The following TIAL1 variants were observed in gnomAD, a reference collection of about 807,000 sequenced individuals.
TIAL1 encodes the protein nucleolysin TIAR.
Under a neutral mutation model 59.7 loss-of-function variants are expected in TIAL1, and 7 were observed. The observed-to-expected ratio is 0.12, with a 90% CI of 0.07 to 0.22. TIAL1 has a LOEUF of 0.22. Among genes scored for constraint, TIAL1 ranks in the 10% least tolerant of loss-of-function variants. The probability of loss-of-function intolerance (pLI) is 1.00; values close to 1 mark genes in which losing one functional copy is unlikely to be tolerated. For synonymous variants in TIAL1, 149 were observed against 146.3 expected, an observed-to-expected ratio of 1.02 and a Z score of -0.13; for missense variants, 225 against 462.5, an observed-to-expected ratio of 0.49 and a Z score of 4.71.
In TIAL1 at chr10:119,575,778, C is replaced by G; in HGVS notation, c.1015G>C (p.Ala339Pro). 1 of 1,544,036 alleles carries G rather than the reference C, an allele frequency of 6.5e-7. No individual in the cohort carries two copies. The highest frequency in any genetic ancestry group is 8.7e-7 in the Non-Finnish European group (1 of 1,151,260). The change falls in exon 12 of 12, where the codon GCT (alanine) becomes CCT (proline). Residue 339 changes from alanine to proline, a missense_variant. By Grantham distance (27) the Ala-to-Pro change is conservative. Transcript: ENST00000436547. ...GCACCAAATCCACCCATCCAAGCAG[C>G]AGAAGGTGATTGACTTGGAAGAAAA... ...QGFGVDQSPS[A>P]AWMGGFGAQP...
At chr10:119,575,819 C>A (rs778380561) in intron 11 of TIAL1, 28 bp from the exon 12 acceptor site, 12 of 1,494,796 alleles carry the variant, frequency 8.0e-6, no homozygotes, top group South Asian at 4.1e-5. Context: ...AAATCTTCAG[C>A]AAACACAAGA....
rs1236422008 is a variant in TIAL1, at chr10:119,580,779, A to G, written c.372-769T>C. The G allele has an allele frequency of 6.4e-6, 7 of 1,100,928 alleles. No individual in the cohort carries two copies. The African/African-American group carries it at 1.0e-4, about 16-fold the overall frequency. The allele number at this position is 1,100,928 out of a possible 1,614,324, so 68.2% of individuals were successfully genotyped here. A position where few individuals can be genotyped will look rare whatever the true frequency, so the allele number is the denominator to read the frequency against. On this transcript the variant is annotated intron_variant, in intron 5 of 11. Coordinates refer to ENST00000436547, the MANE Select transcript of TIAL1 (RefSeq NM_003252.4). Reference sequence around the variant, plus strand: ...ATAGAAATGAGAAAAAAAATCTACAACTGAGTTCCAGTGTGCACAGTTCCT... The same window carrying G: ...ATAGAAATGAGAAAAAAAATCTACAGCTGAGTTCCAGTGTGCACAGTTCCT...
In TIAL1 at chr10:119,588,313, T is replaced by A. The variant is rs1004439332; in HGVS notation, c.33-65A>T. The stretch of plus-strand genomic sequence containing the variant: ...TAGCTCTGGCTCTAATGTGTTATCA[T>A]CTAATTCATCACCTTTTCTTTCTTT... On this transcript the variant is annotated intron_variant, in intron 1 of 11. Transcript: ENST00000436547. The A allele has an allele frequency of 9.1e-6, 8 of 883,500 alleles. No homozygotes were observed. The East Asian group carries it at 2.1e-4, about 24-fold the overall frequency. 54.7% of individuals were successfully genotyped at this position (883,500 alleles called of 1,614,324 possible). A position where few individuals can be genotyped will look rare whatever the true frequency, so the allele number is the denominator to read the frequency against.
intron 2 of TIAL1, among the ~76,000 whole-genome samples, chr10:119,585,659 G>T (rs1845535897): frequency 6.6e-6 from 1 of 152,034 alleles, no homozygotes; most frequent in Non-Finnish European, 1.5e-5. Flanking sequence ...TTAAAAAATA[G>T]TTAAAATAAA....
At position 119,593,665 on chromosome 10, in the gene TIAL1, C is replaced by T. The variant is rs538183689; in HGVS notation, c.32+2769G>A. Among the ~76,000 whole-genome samples, 87 of 152,126 alleles carry T rather than the reference C, an allele frequency of 5.7e-4. No homozygotes were observed. In the South Asian group the frequency reaches 0.017, roughly 29 times the overall value. On this transcript the variant is annotated intron_variant, in intron 1 of 11. Transcript: ENST00000436547. ...ATGTAAAATATAAGATCTCCATAAA[C>T]AAAAAACCCTACTAGATATCAACGT...
chr10:119,595,323 G>A (rs1846108538), intron 1 of TIAL1, among the ~76,000 whole-genome samples: 1 of 151,784 alleles, frequency 6.6e-6, no homozygotes, highest in African/African-American at 2.4e-5. Context: ...GGAGAGGCAA[G>A]AGAAACAAAG....
intron 6 of TIAL1, 162 bp from the exon 7 acceptor site, chr10:119,578,996 G>A (rs1845171445): frequency 1.7e-6 from 1 of 606,052 alleles, no homozygotes; most frequent in Admixed American, 2.9e-5. Context: ...ATTAGAAAAC[G>A]ATTTGAACTT....
intron 1 of TIAL1, among the ~76,000 whole-genome samples, chr10:119,595,386 C>T (rs544102991): frequency 6.7e-6 from 1 of 149,594 alleles, no homozygotes; most frequent in South Asian, 2.1e-4. Flanking sequence ...CTGGAGAGGC[C>T]GGGAAATTAG....
chr10:119,576,279 A>C (rs868489008), intron 11 of TIAL1, among the ~76,000 whole-genome samples: 3 of 152,168 alleles, frequency 2.0e-5, no homozygotes, highest in African/African-American at 7.2e-5. Flanking sequence ...CATAGGCATA[A>C]AACCATCAAA....
intron 2 of TIAL1, among the ~76,000 whole-genome samples, chr10:119,585,827 C>G (rs1011407507): frequency 1.3e-5 from 2 of 152,134 alleles, no homozygotes; most frequent in Admixed American, 1.3e-4. Flanking sequence ...TTCTGTGATT[C>G]CTTTTCCATC....
chr10:119,588,042 C>T, intron 2 of TIAL1, 110 bp downstream of exon 2: 2 of 602,194 alleles, frequency 3.3e-6, no homozygotes, highest in Non-Finnish European at 5.1e-6. Context: ...TAAGTCAACA[C>T]AACACAAATC....
chr10:119,588,718 AT>A (rs1444164546), intron 1 of TIAL1, among the ~76,000 whole-genome samples: 1 of 152,224 alleles, frequency 6.6e-6, no homozygotes, highest in Non-Finnish European at 1.5e-5. Context: ...TGAAAGTAAG[AT>A]TAACCCTTAT....
chr10:119,575,882 G>T, intron 11 of TIAL1, 91 bp from the exon 12 acceptor site: 1 of 1,336,086 alleles, frequency 7.5e-7, no homozygotes, highest in South Asian at 1.7e-5. Context: ...CCTAATCACA[G>T]AATAGAAAAC....
chr10:119,593,649 A>G (rs1045205030), intron 1 of TIAL1: 3 of 219,048 alleles, frequency 1.4e-5, no homozygotes, highest in African/African-American at 4.7e-5. Flanking sequence ...AATGTAAAAT[A>G]TAAGATCTCC....
At chr10:119,576,096 C>T (rs771198445) in intron 11 of TIAL1, among the ~76,000 whole-genome samples, 4 of 147,430 alleles carry the variant, frequency 2.7e-5, no homozygotes, top group Non-Finnish European at 6.0e-5. Flanking sequence ...ATTTTAAAAA[C>T]AAGTTCATGT....
intron 10 of TIAL1, 134 bp downstream of exon 10, chr10:119,576,946 T>A (rs373755285): frequency 7.3e-7 from 1 of 1,362,708 alleles, no homozygotes; most frequent in Non-Finnish European, 9.9e-7. Context: ...ATACCGCAAA[T>A]AATCAATTTT....
At chr10:119,578,961 A>C in intron 6 of TIAL1, 127 bp from the exon 7 acceptor site, 1 of 685,352 alleles carries the variant, frequency 1.5e-6, no homozygotes, top group Non-Finnish European at 2.5e-6. Context: ...AATATCCTAA[A>C]CAAAACGAAA....
intron 9 of TIAL1, 115 bp from the exon 10 acceptor site, chr10:119,577,318 C>T: frequency 1.3e-5 from 19 of 1,446,432 alleles, no homozygotes; most frequent in Non-Finnish European, 1.7e-5. Flanking sequence ...TTCTAAAGTA[C>T]ATTAGGTAGG....
Position 119,582,413 on chromosome 10 carries a change from A to G in TIAL1, c.228+46T>C, listed in dbSNP as rs993440160. ...TAGAAAGAATACAAACTAGTTTGAC[A>G]TGCAAATATATGTACTCATAAGGTG... On this transcript the variant is annotated intron_variant, in intron 3 of 11. Transcript: ENST00000436547. This position sits in a 1 kb window ranked among gnomAD's most constrained non-coding sequence, Gnocchi z 5.1. 2 of 1,537,356 alleles carry G rather than the reference A, an allele frequency of 1.3e-6. No homozygotes were observed. The highest frequency in any genetic ancestry group is 1.4e-5 in the African/African-American group (1 of 71,948).
Sources: gnomAD v4.1 joint callset for allele counts (sites outside exome capture counted in the v4.1 genomes callset) on GRCh38, gnomAD v4.1.1 for gene constraint, Gnocchi (gnomAD v3.1) non-coding constraint, MANE v1.5 for transcripts, NCBI Gene and HGNC (gene_info 2026-07-23, HGNC 2026-07-21) for gene names.